MGST1: variants seen among roughly 807,000 people sequenced by gnomAD.
The protein encoded by MGST1 is microsomal glutathione S-transferase 1, also known as glutathione S-transferase 12.
In MGST1, 5 loss-of-function variants were observed where a neutral mutation model predicts 8.9. The observed-to-expected ratio is 0.56, with a 90% CI of 0.29 to 1.19. The LOEUF is 1.19. Ranked by LOEUF, MGST1 falls within the 50% of genes most tolerant of loss-of-function variation. MGST1 has a pLI of 0.08. For synonymous variants in MGST1, 54 were observed against 67.8 expected (o/e 0.80, Z 1.00); for missense variants, 182 against 187.4 (o/e 0.97, Z 0.17).
intron 4 of MGST1, among the ~76,000 whole-genome samples, chr12:16,453,274 C>A (rs1210313344): frequency 6.6e-6 from 1 of 151,808 alleles, no homozygotes; most frequent in Non-Finnish European, 1.5e-5. Flanking sequence ...ATGTTTAGGA[C>A]CTTCCTGATA....
Position 16,361,348 on chromosome 12 carries a change from G to A in MGST1, c.222-2447G>A, listed in dbSNP as rs754789777. ...TAATTCTGATCTGAGGGAAGGAGGC[G>A]TGGCTGTGGCCTCAAGAGCACAGAG... On this transcript the variant is annotated intron_variant, in intron 3 of 3. Coordinates refer to ENST00000396210, the MANE Select transcript of MGST1 (RefSeq NM_020300.5). This position sits in a 1 kb window ranked among gnomAD's most constrained non-coding sequence, Gnocchi z 4.2. 3.3e-5 allele frequency among the ~76,000 whole-genome samples: 5 copies of A among 152,166 alleles called. No individual in the cohort carries two copies. The highest frequency in any genetic ancestry group is 1.9e-4 in the East Asian group (1 of 5,194).
intron 4 of MGST1, among the ~76,000 whole-genome samples, chr12:16,479,273 C>T (rs1189678165): frequency 8.5e-5 from 11 of 129,296 alleles, no homozygotes; most frequent in Non-Finnish European, 1.6e-4. Flanking sequence ...CTCGCTCTGT[C>T]GCCCAGGCTG....
chr12:16,356,949 G>A (rs1397607395), intron 2 of MGST1, among the ~76,000 whole-genome samples: 1 of 152,138 alleles, frequency 6.6e-6, no homozygotes, highest in Non-Finnish European at 1.5e-5. Flanking sequence ...TTGAGGGAAG[G>A]TATGTCAACA....
intron 4 of MGST1, chr12:16,514,437 A>T (rs550747696): frequency 1.4e-5 from 4 of 277,820 alleles, no homozygotes; most frequent in Non-Finnish European, 2.9e-5. Flanking sequence ...CATCATTAGC[A>T]TGCAGACTCA....
At chr12:16,526,974 GC>G (rs1202146542) in intron 4 of MGST1, among the ~76,000 whole-genome samples, 11 of 151,968 alleles carry the variant, frequency 7.2e-5, no homozygotes, top group Non-Finnish European at 1.5e-4. Flanking sequence ...TCTACAATAA[GC>G]TATTTCTGCT....
intron 1 of MGST1, among the ~76,000 whole-genome samples, chr12:16,412,208 C>T (rs1458444268): frequency 6.6e-6 from 1 of 152,146 alleles, no homozygotes; most frequent in Non-Finnish European, 1.5e-5. Context: ...ATCCAAACCA[C>T]TAAATGTGAC....
chr12:16,365,127 T>C (rs1940161725), downstream of MGST1, among the ~76,000 whole-genome samples: 1 of 152,180 alleles, frequency 6.6e-6, no homozygotes, highest in Non-Finnish European at 1.5e-5. Context: ...AAAGGGATCC[T>C]TTTATTTTTA....
chr12:16,352,583 A>G (rs1365921082), intron 1 of MGST1, among the ~76,000 whole-genome samples: 1 of 152,228 alleles, frequency 6.6e-6, no homozygotes, highest in Non-Finnish European at 1.5e-5. Context: ...CTGGAAATGT[A>G]CATTTTAAGC....
chr12:16,576,912 G>A lies in MGST1; in HGVS notation n.483-12616G>A, dbSNP rs142981782. Among the ~76,000 whole-genome samples the A allele has an allele frequency of 6.6e-6, 1 of 152,204 alleles. No individual in the cohort carries two copies. Among genetic ancestry groups the A allele is most frequent in the African/African-American group, 2.4e-5 (1 of 41,536 alleles). On this transcript the variant is annotated intron_variant and non_coding_transcript_variant, in intron 4 of 4. Transcript: ENST00000538857. This position sits in a 1 kb window ranked among gnomAD's most constrained non-coding sequence, Gnocchi z 4.1. ...GAAATGATTATACCACCCTCCCCAC[G>A]TTCTTTCCTAAACTATCTATTTTAG...
At chr12:16,473,557 C>T (rs958622755) in intron 4 of MGST1, among the ~76,000 whole-genome samples, 2 of 152,116 alleles carry the variant, frequency 1.3e-5, no homozygotes, top group African/African-American at 4.8e-5. Flanking sequence ...TTTTAGTTCA[C>T]CTCTGTAAGG....
rs142972130 is a variant in MGST1 at position 16,584,585 on chromosome 12, T to TG, written n.483-4935dup. 3.7e-3 allele frequency among the ~76,000 whole-genome samples: 552 copies of TG among 149,388 alleles called. 1 individual carries two copies. Among genetic ancestry groups the TG allele is most frequent in the East Asian group, 0.01 (51 of 5,054 alleles). ...AGATTAACATTGGCAAGTGGAGGAG[T>TG]GGGGGGGGTAAGAGGCCTGTTTAGA... On this transcript the variant is annotated intron_variant and non_coding_transcript_variant, in intron 4 of 4. Transcript: ENST00000538857. This position sits in a 1 kb window ranked among gnomAD's most constrained non-coding sequence, Gnocchi z 5.2.
intron 4 of MGST1, among the ~76,000 whole-genome samples, chr12:16,553,255 T>C (rs1942059910): frequency 6.6e-6 from 1 of 152,112 alleles, no homozygotes; most frequent in Non-Finnish European, 1.5e-5. Context: ...AGTTAAAACG[T>C]TTATAGTAAA....
At chr12:16,550,482 C>T (rs971891183) in intron 4 of MGST1, 1 of 152,304 alleles carries the variant, frequency 6.6e-6, no homozygotes, top group African/African-American at 2.4e-5. Flanking sequence ...ACCTGTTAAG[C>T]TTTAAAGTTA....
At chr12:16,572,745 C>A (rs1942859262) in intron 4 of MGST1, among the ~76,000 whole-genome samples, 8 of 149,122 alleles carry the variant, frequency 5.4e-5, no homozygotes, top group Admixed American at 5.4e-4. Flanking sequence ...ATGCTCTGCT[C>A]ACTGTTAATA....
chr12:16,569,285 C>G (rs1378141785), intron 4 of MGST1, among the ~76,000 whole-genome samples: 1 of 152,160 alleles, frequency 6.6e-6, no homozygotes, highest in East Asian at 1.9e-4. Flanking sequence ...TTTTCCTTCT[C>G]ACTATACTTC....
chr12:16,588,473 T>C (rs1003878845), intron 4 of MGST1, among the ~76,000 whole-genome samples: 2 of 152,068 alleles, frequency 1.3e-5, no homozygotes, highest in African/African-American at 4.8e-5. Flanking sequence ...AATATAATGC[T>C]TTACAAGGCC....
At chr12:16,445,951 C>A (rs534426065) in intron 4 of MGST1, among the ~76,000 whole-genome samples, 11 of 152,026 alleles carry the variant, frequency 7.2e-5, no homozygotes, top group African/African-American at 2.6e-4. Flanking sequence ...GAGATTATAA[C>A]TTTTACCTCC....
At chr12:16,526,243 G>C (rs1035883604) in intron 4 of MGST1, among the ~76,000 whole-genome samples, 1 of 151,754 alleles carries the variant, frequency 6.6e-6, no homozygotes, top group Non-Finnish European at 1.5e-5. Context: ...GAATGGTAAT[G>C]CCTAGGTTTT....
rs868032067 is a variant in MGST1, at chr12:16,410,151, G to C, written n.778+26547G>C. 6.6e-6 allele frequency among the ~76,000 whole-genome samples: 1 copy of C among 152,172 alleles called. No individual in the cohort carries two copies. The highest frequency in any genetic ancestry group is 2.1e-4 in the South Asian group (1 of 4,812). On this transcript the variant is annotated intron_variant and non_coding_transcript_variant, in intron 1 of 1. Transcript: ENST00000359720. The surrounding 1 kb of genome is among the most constrained non-coding windows in gnomAD (Gnocchi z 4.4). ...TTTGTCAGGTTCAGCAAATGTCACA[G>C]GGTCAAAGTGGTTATAGTGCTATGC...
Sources: gnomAD v4.1 joint callset for allele counts (sites outside exome capture counted in the v4.1 genomes callset) on GRCh38, gnomAD v4.1.1 for gene constraint, Gnocchi (gnomAD v3.1) non-coding constraint, MANE v1.5 for transcripts, NCBI Gene and HGNC (gene_info 2026-07-23, HGNC 2026-07-21) for gene names.